CCDC170: variants seen among roughly 807,000 people sequenced by gnomAD.
The protein encoded by CCDC170 is coiled-coil domain containing 170.
CCDC170 carries 69 observed loss-of-function variants against 72.6 expected under a neutral mutation model. The ratio of observed to expected loss-of-function variants is 0.95; its 90% CI spans 0.78 to 1.16. The LOEUF is 1.16. Ranked by LOEUF, CCDC170 falls within the 50% of genes most tolerant of loss-of-function variation. CCDC170 has a pLI of 0.00. For missense variants in CCDC170, 852 were observed against 832.5 expected, an observed-to-expected ratio of 1.02 and a Z score of -0.29; for synonymous variants, 300 against 303.9, an observed-to-expected ratio of 0.99 and a Z score of 0.13.
intron 9 of CCDC170, among the ~76,000 whole-genome samples, chr6:151,600,388 C>T (rs79388282): frequency 0.031 from 4,779 of 152,204 alleles, 119 homozygotes; most frequent in East Asian, 0.08. Flanking sequence ...TACTCAATCC[C>T]GCTAACAGTC....
intron 3 of CCDC170, among the ~76,000 whole-genome samples, chr6:151,541,721 T>A (rs1048605127): frequency 1.3e-4 from 20 of 150,800 alleles, no homozygotes; most frequent in African/African-American, 4.6e-4. Flanking sequence ...AAGCTATAAT[T>A]AATATTAATA....
chr6:151,539,988 C>T (rs1782658314), intron 3 of CCDC170, among the ~76,000 whole-genome samples: 1 of 152,108 alleles, frequency 6.6e-6, no homozygotes, highest in South Asian at 2.1e-4. Context: ...GTCAGTTTTC[C>T]ATTATCACCT....
At chr6:151,613,610 G>C (rs1776910610) in intron 9 of CCDC170, among the ~76,000 whole-genome samples, 1 of 152,132 alleles carries the variant, frequency 6.6e-6, no homozygotes, top group East Asian at 1.9e-4. Flanking sequence ...TTTTGCAATT[G>C]GCTTCTTTCC....
chr6:151,603,775 G>T (rs1368489730), intron 9 of CCDC170, among the ~76,000 whole-genome samples: 2 of 152,106 alleles, frequency 1.3e-5, no homozygotes, highest in African/African-American at 4.8e-5. Flanking sequence ...TAGCTGCTGG[G>T]GCTCCAGCTT....
At chr6:151,533,170 C>T (rs1782516971) in intron 1 of CCDC170, among the ~76,000 whole-genome samples, 1 of 151,486 alleles carries the variant, frequency 6.6e-6, no homozygotes, top group African/African-American at 2.4e-5. Context: ...TCTCCTGCCT[C>T]AGCCTCCCGA....
intron 1 of CCDC170, among the ~76,000 whole-genome samples, chr6:151,511,296 C>T (rs1782146498): frequency 6.6e-6 from 1 of 152,016 alleles, no homozygotes; most frequent in Admixed American, 6.6e-5. Context: ...TATTGTTTGC[C>T]CCCTAGAGTA....
chr6:151,519,241 C>T (rs1782282413), intron 1 of CCDC170, among the ~76,000 whole-genome samples: 1 of 152,192 alleles, frequency 6.6e-6, no homozygotes, highest in African/African-American at 2.4e-5. Context: ...TGCATTCCTT[C>T]CCCAGGGTAT....
At chr6:151,536,235 T>C (rs1532401) in intron 1 of CCDC170, 83 bp from the exon 2 acceptor site, 1,035,037 of 1,512,358 alleles carry the variant, frequency 0.68, 361,852 homozygotes, top group Admixed American at 0.77. Context: ...TGCTTCTGCC[T>C]TTAATCTGGC....
intron 6 of CCDC170, among the ~76,000 whole-genome samples, chr6:151,579,556 G>A (rs937268369): frequency 1.3e-5 from 2 of 152,232 alleles, no homozygotes; most frequent in African/African-American, 2.4e-5. Context: ...GTCTCACTTC[G>A]CTGAGTCTCA....
Position 151,553,045 on chromosome 6 carries a change from C to G in CCDC170, c.774+4556C>G, listed in dbSNP as rs1380041617. Among the ~76,000 whole-genome samples, 3 of 152,222 alleles carry G rather than the reference C, an allele frequency of 2.0e-5. No individual in the cohort carries two copies. The East Asian group carries it at 5.8e-4, about 29-fold the overall frequency. ...CAAGTGATCCACCCACATCGGCCTC[C>G]CAAAGTGCTGGGATTACAGGCATGA... On this transcript the variant is annotated intron_variant, in intron 5 of 10. Coordinates refer to ENST00000239374, the MANE Select transcript of CCDC170 (RefSeq NM_025059.4).
intron 5 of CCDC170, among the ~76,000 whole-genome samples, chr6:151,556,476 A>G (rs1782977687): frequency 6.6e-6 from 1 of 152,196 alleles, no homozygotes; most frequent in Admixed American, 6.5e-5. Flanking sequence ...AAACAAACAA[A>G]CAAAAAACTA....
intron 1 of CCDC170, among the ~76,000 whole-genome samples, chr6:151,505,018 G>A (rs1782047049): frequency 6.6e-6 from 1 of 152,112 alleles, no homozygotes; most frequent in African/African-American, 2.4e-5. Context: ...CCAGCAGTAA[G>A]TGATTTGTGT....
intron 3 of CCDC170, among the ~76,000 whole-genome samples, chr6:151,542,488 C>T (rs1782707832): frequency 6.6e-6 from 1 of 152,126 alleles, no homozygotes; most frequent in African/African-American, 2.4e-5. Context: ...TTCCAAAGAG[C>T]TGGGATTACA....
In CCDC170 at chr6:151,586,050, A is replaced by T. The variant is rs745965684; in HGVS notation, c.1254A>T (p.Gly418=). ...ACCTGGAGGCAGAGCTGGTTTCTGGAGGTGTTTTGCGAGACAACTTGAATT... is the reference window on the plus strand; with the variant it reads ...ACCTGGAGGCAGAGCTGGTTTCTGGTGGTGTTTTGCGAGACAACTTGAATT... ...LTHLEAELVS[G]GVLRDNLNFE... Residue 418 remains glycine, a synonymous_variant, in exon 7 of 11, where the codon GGA becomes GGT. Coordinates refer to ENST00000239374, the MANE Select transcript of CCDC170 (RefSeq NM_025059.4). 64 of 1,614,032 alleles carry T rather than the reference A, an allele frequency of 4.0e-5. No homozygotes were observed. Among genetic ancestry groups the T allele is most frequent in the Non-Finnish European group, 5.1e-5 (60 of 1,180,002 alleles).
chr6:151,515,298 A>C (rs974711572), intron 1 of CCDC170, among the ~76,000 whole-genome samples: 6 of 152,202 alleles, frequency 3.9e-5, no homozygotes, highest in African/African-American at 1.4e-4. Context: ...TTACTTATTT[A>C]TTGAGACGGA....
At chr6:151,597,312 G>A (rs1776641728) in intron 9 of CCDC170, among the ~76,000 whole-genome samples, 1 of 151,978 alleles carries the variant, frequency 6.6e-6, no homozygotes. Flanking sequence ...ATTTTTAGTA[G>A]AGACAGGGTT....
intron 5 of CCDC170, among the ~76,000 whole-genome samples, chr6:151,558,232 G>GTTTTTTTTTTTTTTTTTTTTT (rs55648936): frequency 1.4e-5 from 1 of 70,880 alleles, no homozygotes; most frequent in African/African-American, 5.8e-5. Flanking sequence ...TGAGATTAGT[G>GTTTTTTTTTTTTTTTTTTTTT]TTTTTTTTTT....
chr6:151,541,958 C>T (rs1417052956), intron 3 of CCDC170, among the ~76,000 whole-genome samples: 1 of 148,938 alleles, frequency 6.7e-6, no homozygotes, highest in Non-Finnish European at 1.5e-5. Context: ...TGGCTCACTG[C>T]AGCCTCCACC....
chr6:151,536,795 A>G (rs1782594472), intron 2 of CCDC170, among the ~76,000 whole-genome samples: 1 of 147,254 alleles, frequency 6.8e-6, no homozygotes, highest in Non-Finnish European at 1.5e-5. Context: ...AAAAAAAAAA[A>G]AAAGAAAAAG....
Sources: allele counts gnomAD v4.1 joint callset (sites outside exome capture counted in the v4.1 genomes callset), GRCh38; gene constraint gnomAD v4.1.1; transcripts MANE v1.5; gene names NCBI Gene and HGNC (gene_info 2026-07-23, HGNC 2026-07-21).